Variants in BRINP1 observed in about 807,000 individuals in gnomAD.
The protein encoded by BRINP1 is BMP/retinoic acid-inducible neural-specific protein 1.
In BRINP1, 17 loss-of-function variants were observed where a neutral mutation model predicts 72.9. The observed-to-expected ratio is 0.23, with a 90% CI of 0.16 to 0.35. The LOEUF is 0.35. Ranked by LOEUF, BRINP1 falls within the 10% of genes least tolerant of loss-of-function variation. The probability of loss-of-function intolerance (pLI) is 1.00; values close to 1 mark genes in which losing one functional copy is unlikely to be tolerated. For synonymous variants in BRINP1, 418 were observed against 378.5 expected (o/e 1.10, Z -1.21); for missense variants, 850 against 1,001.6 (o/e 0.85, Z 2.04).
At chr9:119,175,927 G>GAGAC (rs1829483807) in intron 7 of BRINP1, among the ~76,000 whole-genome samples, 1 of 152,174 alleles carries the variant, frequency 6.6e-6, no homozygotes, top group African/African-American at 2.4e-5. Flanking sequence ...AGGTCAGTCA[G>GAGAC]AGACAGCTGA....
At chr9:119,361,410 A>G (rs2119043060) in intron 1 of BRINP1, among the ~76,000 whole-genome samples, 1 of 152,068 alleles carries the variant, frequency 6.6e-6, no homozygotes, top group East Asian at 1.9e-4. Flanking sequence ...AATCACTTTG[A>G]TATCAGGAGT....
At chr9:119,357,313 G>A (rs1490876264) in intron 1 of BRINP1, among the ~76,000 whole-genome samples, 2 of 152,220 alleles carry the variant, frequency 1.3e-5, no homozygotes, top group African/African-American at 4.8e-5. Flanking sequence ...CAGAGAGATT[G>A]CAACATCTGG....
intron 5 of BRINP1, among the ~76,000 whole-genome samples, chr9:119,228,397 C>A (rs2118893335): frequency 6.6e-6 from 1 of 151,974 alleles, no homozygotes; most frequent in African/African-American, 2.4e-5. Flanking sequence ...AAGGAAAAAT[C>A]TTTGCCTTTA....
At chr9:119,236,807 T>C (rs1454517042) in intron 5 of BRINP1, among the ~76,000 whole-genome samples, 2 of 152,192 alleles carry the variant, frequency 1.3e-5, no homozygotes, top group Non-Finnish European at 2.9e-5. Flanking sequence ...TCTACTCTTT[T>C]TTCTGCTACT....
chr9:119,327,109 T>C (rs751372774), intron 1 of BRINP1, among the ~76,000 whole-genome samples: 2 of 152,208 alleles, frequency 1.3e-5, no homozygotes, highest in Non-Finnish European at 2.9e-5. Flanking sequence ...AACCATATCA[T>C]TACCAACAAC....
chr9:119,175,784 C>G (rs1829481696), intron 7 of BRINP1, among the ~76,000 whole-genome samples: 1 of 152,126 alleles, frequency 6.6e-6, no homozygotes. Flanking sequence ...CCATTCAAGT[C>G]ACCCTTTGGC....
intron 6 of BRINP1, among the ~76,000 whole-genome samples, chr9:119,210,953 A>G (rs1024742199): frequency 1.3e-5 from 2 of 152,168 alleles, no homozygotes; most frequent in East Asian, 3.9e-4. Context: ...ACAAGACTCT[A>G]CACTGATTGA....
At chr9:119,277,112 G>C (rs1053388080) in intron 2 of BRINP1, among the ~76,000 whole-genome samples, 1 of 152,158 alleles carries the variant, frequency 6.6e-6, no homozygotes, top group African/African-American at 2.4e-5. Context: ...TAATGCCTTT[G>C]AGATTCGCTC....
intron 7 of BRINP1, among the ~76,000 whole-genome samples, chr9:119,195,821 A>AG (rs1829732357): frequency 1.3e-5 from 2 of 152,232 alleles, no homozygotes; most frequent in Admixed American, 6.5e-5. Context: ...AGAAGGGAAT[A>AG]TGACAACCTG....
chr9:119,324,611 A>C (rs1349649493), intron 1 of BRINP1, among the ~76,000 whole-genome samples: 2 of 152,244 alleles, frequency 1.3e-5, no homozygotes, highest in African/African-American at 4.8e-5. Context: ...AATCATGAAG[A>C]CTAAAGTATG....
chr9:119,324,620 T>C (rs973485344), intron 1 of BRINP1, among the ~76,000 whole-genome samples: 1 of 152,238 alleles, frequency 6.6e-6, no homozygotes, highest in South Asian at 2.1e-4. Context: ...GACTAAAGTA[T>C]GGATTTACAT....
At chr9:119,318,692 A>G (rs899379511) in intron 1 of BRINP1, among the ~76,000 whole-genome samples, 1 of 152,204 alleles carries the variant, frequency 6.6e-6, no homozygotes, top group African/African-American at 2.4e-5. Flanking sequence ...TCACCCACAC[A>G]GCCCTTCTAC....
At chr9:119,242,973 T>C (rs1190744443) in intron 3 of BRINP1, among the ~76,000 whole-genome samples, 1 of 95,898 alleles carries the variant, frequency 1.0e-5, no homozygotes, top group Non-Finnish European at 2.0e-5. Flanking sequence ...GGCATGTTTC[T>C]TTTTTCTTTT....
chr9:119,220,127 A>G (rs1222700744), intron 5 of BRINP1, among the ~76,000 whole-genome samples: 1 of 152,202 alleles, frequency 6.6e-6, no homozygotes, highest in East Asian at 1.9e-4. Context: ...AGCTCCTTAG[A>G]GGAAATAGCA....
intron 1 of BRINP1, among the ~76,000 whole-genome samples, chr9:119,323,152 A>T (rs1831206363): frequency 6.6e-6 from 1 of 152,162 alleles, no homozygotes; most frequent in Admixed American, 6.5e-5. Context: ...CATGGGCAGA[A>T]TGGGGTATAG....
chr9:119,195,790 A>G (rs1457126538), intron 7 of BRINP1, among the ~76,000 whole-genome samples: 1 of 152,216 alleles, frequency 6.6e-6, no homozygotes, highest in Non-Finnish European at 1.5e-5. Flanking sequence ...ACTTACTGAA[A>G]GATGACGATC....
intron 2 of BRINP1, among the ~76,000 whole-genome samples, chr9:119,286,964 T>C (rs566917619): frequency 6.6e-6 from 1 of 152,240 alleles, no homozygotes; most frequent in African/African-American, 2.4e-5. Flanking sequence ...GCACAACATG[T>C]GGTTGGCTGC....
intron 2 of BRINP1, among the ~76,000 whole-genome samples, chr9:119,282,161 C>T (rs1260257804): frequency 6.6e-6 from 1 of 152,220 alleles, no homozygotes; most frequent in Non-Finnish European, 1.5e-5. Context: ...AGGCCCTTCA[C>T]CCTACCTAAG....
At chr9:119,299,612 CAAAAA>C (rs758236349) in intron 2 of BRINP1, among the ~76,000 whole-genome samples, 1 of 57,162 alleles carries the variant, frequency 1.7e-5, no homozygotes, top group African/African-American at 6.7e-5. Flanking sequence ...GACTCCGTCT[CAAAAA>C]AAAAAAAAAA....
Sources: allele counts gnomAD v4.1 joint callset (sites outside exome capture counted in the v4.1 genomes callset), GRCh38; gene constraint gnomAD v4.1.1; transcripts MANE v1.5; gene names NCBI Gene and HGNC (gene_info 2026-07-23, HGNC 2026-07-21).